Variants in PDE4D observed in about 807,000 individuals in gnomAD.
PDE4D encodes phosphodiesterase 4D.
Under a neutral mutation model 87.4 loss-of-function variants are expected in PDE4D, and 24 were observed. That is an observed-to-expected ratio of 0.27 (90% CI 0.20 to 0.39). The LOEUF (loss-of-function observed/expected upper bound fraction) is 0.39. Ranked by LOEUF, PDE4D falls within the 10% of genes least tolerant of loss-of-function variation. The pLI is 1.00. For synonymous variants in PDE4D, 384 were observed against 383.2 expected, an observed-to-expected ratio of 1.00 and a Z score of -0.02; for missense variants, 714 against 1,041.0, an observed-to-expected ratio of 0.69 and a Z score of 4.32.
intron 1 of PDE4D, among the ~76,000 whole-genome samples, chr5:60,389,752 C>T (rs1405599740): frequency 6.6e-6 from 1 of 152,066 alleles, no homozygotes; most frequent in African/African-American, 2.4e-5. Context: ...GTTCTGGGAG[C>T]AAGCCTCTCA....
intron 1 of PDE4D, among the ~76,000 whole-genome samples, chr5:59,786,271 A>G (rs188267975): frequency 6.6e-6 from 1 of 152,318 alleles, no homozygotes; most frequent in Admixed American, 6.5e-5. Context: ...ACTTAAATCA[A>G]CTATAATTTT....
chr5:59,985,211 T>A (rs1315034594), intron 3 of PDE4D, among the ~76,000 whole-genome samples: 1 of 147,850 alleles, frequency 6.8e-6, no homozygotes, highest in Non-Finnish European at 1.5e-5. Flanking sequence ...TAATCTCGGC[T>A]CACTGCAACC....
intron 1 of PDE4D, among the ~76,000 whole-genome samples, chr5:60,440,919 G>T (rs1030230047): frequency 6.6e-6 from 1 of 152,020 alleles, no homozygotes; most frequent in Non-Finnish European, 1.5e-5. Context: ...CAAAATCCTG[G>T]CAGTCTAGCT....
chr5:60,377,674 C>T (rs944190098), intron 1 of PDE4D, among the ~76,000 whole-genome samples: 3 of 152,168 alleles, frequency 2.0e-5, no homozygotes, highest in African/African-American at 7.2e-5. Flanking sequence ...AGGTAACTGA[C>T]TGACTGACTG....
At chr5:59,792,402 C>CTGTGTGTG (rs3062592) in intron 1 of PDE4D, among the ~76,000 whole-genome samples, 4,099 of 138,738 alleles carry the variant, frequency 0.03, 77 homozygotes, top group Non-Finnish European at 0.039. Context: ...CTCCAAGAAG[C>CTGTGTGTG]TGTGTGTGTG....
intron 1 of PDE4D, chr5:59,592,139 G>A: frequency 2.0e-6 from 2 of 984,988 alleles, no homozygotes; most frequent in Non-Finnish European, 2.4e-6. Context: ...CACCTTTACA[G>A]AAAGCCAATC....
At chr5:60,502,863 T>A (rs535810057) in intron 1 of PDE4D, among the ~76,000 whole-genome samples, 1 of 152,166 alleles carries the variant, frequency 6.6e-6, no homozygotes, top group Non-Finnish European at 1.5e-5. Context: ...TTAATATCAG[T>A]TCTATAACAT....
chr5:60,444,041 G>A (rs913459002), intron 1 of PDE4D, among the ~76,000 whole-genome samples: 4 of 144,374 alleles, frequency 2.8e-5, no homozygotes, highest in African/African-American at 1.0e-4. Flanking sequence ...GTATGTGTTA[G>A]GACTCTGGTA....
At chr5:59,362,311 C>T (rs972545157) in intron 1 of PDE4D, among the ~76,000 whole-genome samples, 1 of 152,182 alleles carries the variant, frequency 6.6e-6, no homozygotes, top group Admixed American at 6.5e-5. Context: ...GGTAAATAGG[C>T]ATACCACTTT....
intron 1 of PDE4D, among the ~76,000 whole-genome samples, chr5:59,305,915 G>C (rs775214773): frequency 6.6e-6 from 1 of 152,070 alleles, no homozygotes; most frequent in Non-Finnish European, 1.5e-5. Context: ...TTTGTTCCAA[G>C]GTACAGTTTA....
intron 1 of PDE4D, chr5:60,430,162 T>C: frequency 1.9e-6 from 1 of 524,288 alleles, no homozygotes; most frequent in Non-Finnish European, 3.8e-6. Context: ...GGCACGCTTC[T>C]TGAAGCCCAC....
chr5:60,232,408 T>G (rs927987337), intron 1 of PDE4D, among the ~76,000 whole-genome samples: 3 of 151,884 alleles, frequency 2.0e-5, no homozygotes, highest in Non-Finnish European at 4.4e-5. Context: ...AATTCTCTGG[T>G]CAGTTCTTCT....
chr5:59,108,067 CA>C (rs1195435208), intron 5 of PDE4D, among the ~76,000 whole-genome samples: 1 of 152,210 alleles, frequency 6.6e-6, no homozygotes, highest in African/African-American at 2.4e-5. Context: ...GAGCCCAGCA[CA>C]GACTGCAAAA....
intron 1 of PDE4D, among the ~76,000 whole-genome samples, chr5:59,227,107 G>C (rs1753952211): frequency 6.6e-6 from 1 of 152,126 alleles, no homozygotes; most frequent in Non-Finnish European, 1.5e-5. Flanking sequence ...CTCACAGCAG[G>C]TTACTACCAA....
At chr5:59,391,130 A>T (rs146819364) in intron 1 of PDE4D, among the ~76,000 whole-genome samples, 3 of 152,254 alleles carry the variant, frequency 2.0e-5, no homozygotes, top group African/African-American at 7.2e-5. Flanking sequence ...GCATAGGAGG[A>T]GACTAAACTT....
intron 6 of PDE4D, among the ~76,000 whole-genome samples, chr5:59,019,837 G>C (rs935519736): frequency 1.3e-4 from 20 of 152,054 alleles, no homozygotes; most frequent in African/African-American, 4.6e-4. Flanking sequence ...TTATATGGCT[G>C]GTTGTATTTT....
chr5:59,265,308 G>A (rs1345103324), intron 1 of PDE4D, among the ~76,000 whole-genome samples: 2 of 151,876 alleles, frequency 1.3e-5, no homozygotes, highest in Non-Finnish European at 2.9e-5. Flanking sequence ...GCTTCCCACT[G>A]ACCACTTCTT....
chr5:59,104,192 A>C (rs1771204374), intron 5 of PDE4D, among the ~76,000 whole-genome samples: 1 of 152,224 alleles, frequency 6.6e-6, no homozygotes. Flanking sequence ...CAAATAATGG[A>C]ATTAACATTT....
intron 1 of PDE4D, among the ~76,000 whole-genome samples, chr5:59,410,718 T>C (rs901037142): frequency 6.6e-6 from 1 of 152,228 alleles, no homozygotes; most frequent in Non-Finnish European, 1.5e-5. Flanking sequence ...TTATAGGTAC[T>C]GCATGTTTTT....
Sources: gnomAD v4.1 joint callset for allele counts (sites outside exome capture counted in the v4.1 genomes callset) on GRCh38, gnomAD v4.1.1 for gene constraint, MANE v1.5 for transcripts, NCBI Gene and HGNC (gene_info 2026-07-23, HGNC 2026-07-21) for gene names.